The following GPR107 variants were observed in gnomAD, a reference collection of about 807,000 sequenced individuals.
GPR107 encodes G protein-coupled receptor 107, also known as protein GPR107.
GPR107 carries 31 observed loss-of-function variants against 75.5 expected under a neutral mutation model. The ratio of observed to expected loss-of-function variants is 0.41; its 90% CI spans 0.31 to 0.55. The LOEUF is 0.55. GPR107 is among the 20% of genes least tolerant of loss of function. The pLI, the probability that GPR107 is intolerant of heterozygous loss-of-function variation, is 0.26. For synonymous variants in GPR107, 267 were observed against 251.3 expected, an observed-to-expected ratio of 1.06 and a Z score of -0.59; for missense variants, 572 against 665.7, an observed-to-expected ratio of 0.86 and a Z score of 1.55.
intron 17 of GPR107, among the ~76,000 whole-genome samples, chr9:130,134,149 C>G (rs1831896387): frequency 6.6e-6 from 1 of 152,164 alleles, no homozygotes; most frequent in African/African-American, 2.4e-5. Context: ...AGGGAAGATG[C>G]TGGGCCAAGC....
intron 9 of GPR107, among the ~76,000 whole-genome samples, chr9:130,095,894 G>T (rs913701784): frequency 1.3e-5 from 2 of 152,146 alleles, no homozygotes; most frequent in African/African-American, 2.4e-5. Flanking sequence ...GCCGCCAGGC[G>T]CATTTCACTG....
At chr9:130,104,758 C>T (rs1046404715) in intron 13 of GPR107, among the ~76,000 whole-genome samples, 8 of 152,188 alleles carry the variant, frequency 5.3e-5, no homozygotes, top group African/African-American at 1.9e-4. Context: ...AGAGCTAATC[C>T]GTCACCATGA....
intron 1 of GPR107, among the ~76,000 whole-genome samples, chr9:130,069,749 G>C (rs1432801022): frequency 4.6e-5 from 7 of 152,052 alleles, no homozygotes; most frequent in Non-Finnish European, 4.4e-5. Context: ...GCAGTGGCAC[G>C]ATCTCAGCTC....
At position 130,079,518 on chromosome 9, in the gene GPR107, T is replaced by C; in HGVS notation, c.387-112T>C. 3.9e-6 allele frequency: 3 copies of C among 772,242 alleles called. No individual in the cohort carries two copies. In the Middle Eastern group the frequency reaches 1.1e-3, roughly 287 times the overall value. The allele number at this position is 772,242 out of a possible 1,614,324, so 47.8% of individuals were successfully genotyped here. On this transcript the variant is annotated intron_variant, in intron 4 of 17. Coordinates refer to ENST00000347136, the MANE Select transcript of GPR107 (RefSeq NM_020960.5). ...TAGAATGTGGATAATAGAATCTACATTGTAGAACATGATAAGGACTGCATG... is the reference window on the plus strand; with the variant it reads ...TAGAATGTGGATAATAGAATCTACACTGTAGAACATGATAAGGACTGCATG...
chr9:130,055,118 A>G (rs1408238188), intron 1 of GPR107, among the ~76,000 whole-genome samples: 3 of 152,102 alleles, frequency 2.0e-5, no homozygotes. Context: ...TAGAAAAGTA[A>G]ATTGTTATGA....
At chr9:130,091,243 C>T (rs1225186831) in intron 8 of GPR107, among the ~76,000 whole-genome samples, 1 of 152,062 alleles carries the variant, frequency 6.6e-6, no homozygotes, top group African/African-American at 2.4e-5. Context: ...AACCCCAGCA[C>T]TTTGGGAGGC....
intron 1 of GPR107, among the ~76,000 whole-genome samples, chr9:130,060,301 G>T (rs561611676): frequency 3.3e-5 from 5 of 151,524 alleles, no homozygotes; most frequent in Non-Finnish European, 5.9e-5. Context: ...GACCTCAGAT[G>T]TTCTGCCCAC....
chr9:130,062,420 G>GATAATAATAATAATAATA (rs10578697), intron 1 of GPR107, among the ~76,000 whole-genome samples: 31 of 139,874 alleles, frequency 2.2e-4, no homozygotes, highest in East Asian at 6.3e-4. Context: ...TCTCGAAAAT[G>GATAATAATAATAATAATA]ATAATAATAA....
At position 130,100,757 on chromosome 9, in the gene GPR107, G is replaced by T; in HGVS notation, c.1013+55G>T. On this transcript the variant is annotated intron_variant, in intron 11 of 17. Coordinates refer to ENST00000347136, the MANE Select transcript of GPR107 (RefSeq NM_020960.5). ...CATGAAATGACATACAAGACAAGGG[G>T]GGTGGGCAACAACCTGCCCCAAGTT... 3 of 1,287,574 alleles carry T rather than the reference G, an allele frequency of 2.3e-6. No homozygotes were observed. In the South Asian group the frequency reaches 3.6e-5, roughly 15 times the overall value. 79.8% of individuals were successfully genotyped at this position (1,287,574 alleles called of 1,614,324 possible). A position where few individuals can be genotyped will look rare whatever the true frequency, so the allele number is the denominator to read the frequency against.
At chr9:130,109,207 G>A (rs1023689686) in intron 14 of GPR107, among the ~76,000 whole-genome samples, 1 of 151,642 alleles carries the variant, frequency 6.6e-6, no homozygotes, top group Non-Finnish European at 1.5e-5. Context: ...GCTTTGCTCT[G>A]TCACCCAAGC....
intron 7 of GPR107, 79 bp from the exon 8 acceptor site, chr9:130,090,797 T>C (rs1830711895): frequency 1.7e-6 from 1 of 582,134 alleles, no homozygotes; most frequent in African/African-American, 1.9e-5. Flanking sequence ...TAAACAATAC[T>C]TTAAAAGAAA....
intron 14 of GPR107, among the ~76,000 whole-genome samples, chr9:130,121,875 CTT>C (rs975240541): frequency 2.0e-5 from 3 of 151,520 alleles, no homozygotes; most frequent in Non-Finnish European, 2.9e-5. Flanking sequence ...TCAGGAGAGA[CTT>C]ATTTATTTTT....
chr9:130,068,234 G>A (rs966271923), intron 1 of GPR107, among the ~76,000 whole-genome samples: 2 of 152,108 alleles, frequency 1.3e-5, no homozygotes, highest in South Asian at 4.1e-4. Context: ...GACCGCAGGG[G>A]AAGGGGTAGC....
rs542286996 is a variant in GPR107, at chr9:130,116,122, T to C, written c.1306+8583T>C. ...CATCCAAAAGCAGAGGTCTCTCATA[T>C]CATCCGGCTGAGAAGCAGTCTTGTC... On this transcript the variant is annotated intron_variant, in intron 14 of 17. Coordinates refer to ENST00000347136, the MANE Select transcript of GPR107 (RefSeq NM_020960.5). Among the ~76,000 whole-genome samples the C allele has an allele frequency of 2.6e-4, 40 of 152,158 alleles. 1 individual carries two copies. The South Asian group carries it at 7.9e-3, about 30-fold the overall frequency.
intron 1 of GPR107, among the ~76,000 whole-genome samples, chr9:130,071,252 C>G (rs1264827690): frequency 6.7e-6 from 1 of 150,320 alleles, no homozygotes; most frequent in Non-Finnish European, 1.5e-5. Flanking sequence ...GTTTCAAACT[C>G]CTGGGCTCAA....
At position 130,079,746 on chromosome 9, in the gene GPR107, G is replaced by T; in HGVS notation, c.503G>T (p.Gly168Val). 1 of 1,611,982 alleles carries T rather than the reference G, an allele frequency of 6.2e-7. No homozygotes were observed. Among genetic ancestry groups the T allele is most frequent in the East Asian group, 2.2e-5 (1 of 44,812 alleles). Residue 168 changes from glycine to valine, a missense_variant, in exon 5 of 18, where the codon GGC becomes GTC. Physicochemically the swap from Gly to Val is moderately radical, Grantham distance 109. Transcript: ENST00000347136. ...CCTAATGTTAACCCTGCTTCAGCAG[G>T]CAACCAGACCCAGAAGACACAAGGT... ...QEPNVNPASA[G>V]NQTQKTQDGG...
At chr9:130,078,013 A>C (rs982024287) in intron 4 of GPR107, among the ~76,000 whole-genome samples, 3 of 151,950 alleles carry the variant, frequency 2.0e-5, no homozygotes, top group African/African-American at 7.2e-5. Flanking sequence ...AAAATACAAA[A>C]AATTAGCCGG....
intron 7 of GPR107, among the ~76,000 whole-genome samples, chr9:130,088,147 C>T (rs963386323): frequency 2.6e-5 from 4 of 152,274 alleles, no homozygotes; most frequent in Admixed American, 6.5e-5. Flanking sequence ...TGGAGTAAAG[C>T]CCAGGTCTTC....
At chr9:130,128,980 A>T in intron 17 of GPR107, 1 of 463,670 alleles carries the variant, frequency 2.2e-6, no homozygotes. Context: ...GGGAAGATGG[A>T]ACTTGCCGTT....
Sources: gnomAD v4.1 joint callset for allele counts (sites outside exome capture counted in the v4.1 genomes callset) on GRCh38, gnomAD v4.1.1 for gene constraint, MANE v1.5 for transcripts, NCBI Gene and HGNC (gene_info 2026-07-23, HGNC 2026-07-21) for gene names.